Variants in SMAP1 observed in about 807,000 individuals in gnomAD.
SMAP1 encodes the protein stromal membrane-associated protein 1.
SMAP1 carries 24 observed loss-of-function variants against 58.5 expected under a neutral mutation model. The observed-to-expected ratio is 0.41, with a 90% CI of 0.30 to 0.58. The LOEUF (loss-of-function observed/expected upper bound fraction) is 0.58, where lower values mean the gene tolerates loss of function less well. Among genes scored for constraint, SMAP1 ranks in the 20% least tolerant of loss-of-function variants. SMAP1 has a pLI of 0.29. For missense variants in SMAP1, 563 were observed against 566.3 expected (o/e 0.99, Z 0.06); for synonymous variants, 216 against 196.6 (o/e 1.10, Z -0.82).
chr6:70,672,647 C>T (rs1252195540), intron 1 of SMAP1, among the ~76,000 whole-genome samples: 1 of 152,018 alleles, frequency 6.6e-6, no homozygotes, highest in East Asian at 1.9e-4. Context: ...ATGTGGTAGG[C>T]AAATGTAACT....
At chr6:70,693,565 G>A (rs1767273088) in intron 1 of SMAP1, among the ~76,000 whole-genome samples, 1 of 152,100 alleles carries the variant, frequency 6.6e-6, no homozygotes, top group South Asian at 2.1e-4. Flanking sequence ...GCCTCCCAAA[G>A]TGCTGGGATT....
intron 6 of SMAP1, among the ~76,000 whole-genome samples, chr6:70,835,706 T>C (rs1770553263): frequency 6.6e-6 from 1 of 152,068 alleles, no homozygotes; most frequent in Admixed American, 6.6e-5. Context: ...AGACTCTTGC[T>C]ATGTTGCGCA....
chr6:70,793,367 ACAGT>A (rs1200316309), intron 5 of SMAP1, among the ~76,000 whole-genome samples: 4 of 152,228 alleles, frequency 2.6e-5, no homozygotes, highest in Non-Finnish European at 4.4e-5. Flanking sequence ...TTAAGAAGGT[ACAGT>A]CTATGGGGTT....
At chr6:70,802,199 G>A (rs1479716231) in intron 6 of SMAP1, among the ~76,000 whole-genome samples, 1 of 152,100 alleles carries the variant, frequency 6.6e-6, no homozygotes, top group African/African-American at 2.4e-5. Flanking sequence ...ATTGAGCAGT[G>A]GTTTGTAGTT....
chr6:70,858,430 ATT>A, intron 10 of SMAP1: 1 of 464,124 alleles, frequency 2.2e-6, no homozygotes, highest in Non-Finnish European at 3.7e-6. Flanking sequence ...TATTATCGCT[ATT>A]TTAGAGTATT....
chr6:70,833,664 A>G (rs751947449), intron 6 of SMAP1, among the ~76,000 whole-genome samples: 1 of 152,182 alleles, frequency 6.6e-6, no homozygotes, highest in Non-Finnish European at 1.5e-5. Flanking sequence ...TAAGAAATAC[A>G]TTTTACATTA....
At chr6:70,798,860 G>T (rs1768724288) in intron 6 of SMAP1, 123 bp downstream of exon 6, 3 of 772,056 alleles carry the variant, frequency 3.9e-6, no homozygotes, top group Non-Finnish European at 5.9e-6. Flanking sequence ...AGCAATTGTT[G>T]AGTGAATGCT....
chr6:70,718,242 A>G (rs755591665), intron 1 of SMAP1, among the ~76,000 whole-genome samples: 3 of 152,244 alleles, frequency 2.0e-5, no homozygotes, highest in Non-Finnish European at 2.9e-5. Context: ...GTAGCTAATG[A>G]GATCCTGAAC....
chr6:70,670,222 T>C (rs1259178740), intron 1 of SMAP1, among the ~76,000 whole-genome samples: 1 of 152,186 alleles, frequency 6.6e-6, no homozygotes, highest in African/African-American at 2.4e-5. Context: ...AGGGTGCAGC[T>C]TGAAGGGCAT....
In SMAP1 at chr6:70,691,141, G is replaced by GT. The variant is rs1172163392; in HGVS notation, c.118+23001dup. 2.0e-5 allele frequency among the ~76,000 whole-genome samples: 3 copies of GT among 152,140 alleles called. No homozygotes were observed. The East Asian group carries it at 5.8e-4, about 29-fold the overall frequency. On this transcript the variant is annotated intron_variant, in intron 1 of 10. Transcript: ENST00000370455. ...CTTTATTGTATCTGTAGAATCTGTA[G>GT]TAATGTCTCTTCTATCATTGCTGAT... is the stretch of plus-strand genomic sequence containing the variant.
At chr6:70,723,951 T>C (rs1418764059) in intron 1 of SMAP1, among the ~76,000 whole-genome samples, 1 of 152,156 alleles carries the variant, frequency 6.6e-6, no homozygotes, top group Non-Finnish European at 1.5e-5. Flanking sequence ...TGCTTGGTTC[T>C]ACACAATTTT....
chr6:70,821,071 C>A (rs116802746), intron 6 of SMAP1, among the ~76,000 whole-genome samples: 1 of 152,000 alleles, frequency 6.6e-6, no homozygotes. Context: ...ATTTCCCCCC[C>A]TCCCTGCCCC....
At chr6:70,773,895 T>C (rs933104544) in intron 4 of SMAP1, among the ~76,000 whole-genome samples, 7 of 152,204 alleles carry the variant, frequency 4.6e-5, no homozygotes, top group Non-Finnish European at 1.0e-4. Context: ...GTTAAGTCTT[T>C]ACAGTAGTAA....
intron 3 of SMAP1, among the ~76,000 whole-genome samples, chr6:70,761,460 C>G (rs1002018513): frequency 2.6e-5 from 4 of 151,910 alleles, no homozygotes; most frequent in Non-Finnish European, 2.9e-5. Flanking sequence ...TAACTAAGTC[C>G]TTATATCTCA....
At position 70,805,518 on chromosome 6, in the gene SMAP1, C is replaced by T. The variant is rs1051717484; in HGVS notation, c.576+6781C>T. 7.9e-5 allele frequency among the ~76,000 whole-genome samples: 12 copies of T among 152,324 alleles called. No individual in the cohort carries two copies. In the East Asian group the frequency reaches 2.3e-3, roughly 29 times the overall value. ...CCTACTTCAGTCAACTCGTCAAAGT[C>T]ATTCTGCATCCAGCTTTGTTCTGTT... On this transcript the variant is annotated intron_variant, in intron 6 of 10. Coordinates refer to ENST00000370455, the MANE Select transcript of SMAP1 (RefSeq NM_001044305.3).
chr6:70,740,925 G>C lies in SMAP1; in HGVS notation c.252+8414G>C, dbSNP rs151244615. 9.9e-5 allele frequency among the ~76,000 whole-genome samples: 15 copies of C among 152,178 alleles called. No individual in the cohort carries two copies. In the East Asian group the frequency reaches 2.9e-3, roughly 29 times the overall value. On this transcript the variant is annotated intron_variant, in intron 2 of 10. Coordinates refer to ENST00000370455, the MANE Select transcript of SMAP1 (RefSeq NM_001044305.3). ...ACAAGAATGGGAGCTAAGTGAAAGG[G>C]GTTTCCCCTTATAAAACCATTGACT...
chr6:70,724,447 C>T (rs888742299), intron 1 of SMAP1, among the ~76,000 whole-genome samples: 13 of 152,120 alleles, frequency 8.5e-5, no homozygotes, highest in African/African-American at 7.2e-5. Context: ...CCGCCTGCCT[C>T]GGCCTCCCAG....
At chr6:70,702,121 A>C (rs986246571) in intron 1 of SMAP1, among the ~76,000 whole-genome samples, 1 of 151,950 alleles carries the variant, frequency 6.6e-6, no homozygotes, top group African/African-American at 2.4e-5. Flanking sequence ...CTTTTCCCCC[A>C]GCTTCTTTTA....
intron 1 of SMAP1, among the ~76,000 whole-genome samples, chr6:70,711,491 G>A (rs1417444074): frequency 6.8e-6 from 1 of 147,988 alleles, no homozygotes; most frequent in East Asian, 2.0e-4. Context: ...TGTTGATTTT[G>A]TGTTTTACTT....
Sources: gnomAD v4.1 joint callset for allele counts (sites outside exome capture counted in the v4.1 genomes callset) on GRCh38, gnomAD v4.1.1 for gene constraint, MANE v1.5 for transcripts, NCBI Gene and HGNC (gene_info 2026-07-23, HGNC 2026-07-21) for gene names.